MCAT: variants seen among roughly 807,000 people sequenced by gnomAD.
MCAT encodes malonyl-CoA-acyl carrier protein transacylase, also known as malonyl-CoA-acyl carrier protein transacylase, mitochondrial.
A neutral mutation model predicts 22.9 loss-of-function variants in MCAT; 22 were observed. The ratio of observed to expected loss-of-function variants is 0.96; its 90% CI spans 0.69 to 1.37. MCAT has a LOEUF of 1.37. Ranked by LOEUF, MCAT falls within the 40% of genes most tolerant of loss-of-function variation. The probability of loss-of-function intolerance (pLI) is 0.00; values close to 1 mark genes in which losing one functional copy is unlikely to be tolerated. For synonymous variants in MCAT, 240 were observed against 233.9 expected (o/e 1.03, Z -0.24); for missense variants, 534 against 533.6 (o/e 1.00, Z -0.01).
At chr22:43,142,541 C>T (rs1345809166) in intron 1 of MCAT, among the ~76,000 whole-genome samples, 1 of 151,908 alleles carries the variant, frequency 6.6e-6, no homozygotes, top group East Asian at 1.9e-4. Context: ...AATCCCAGCA[C>T]TTTGGGAGGC....
Position 43,143,015 on chromosome 22 carries a change from C to T in MCAT, c.334G>A (p.Glu112Lys), listed in dbSNP as rs1406575916. 1 of 1,609,402 alleles carries T rather than the reference C, an allele frequency of 6.2e-7. No homozygotes were observed. The highest frequency in any genetic ancestry group is 1.1e-5 in the South Asian group (1 of 90,442). ...LLELSLHGPQ[E>K]TLDRTVHCQP... Reference sequence around the variant, plus strand: ...CAGTGCACGGTGCGGTCCAGGGTCTCCTGCGGCCCGTGCAGGCTCAGTTCC... The same window carrying T: ...CAGTGCACGGTGCGGTCCAGGGTCTTCTGCGGCCCGTGCAGGCTCAGTTCC... The change falls in exon 1 of 4, where the codon GAG (glutamate) becomes AAG (lysine). Residue 112 changes from glutamate to lysine, a missense_variant. Coordinates refer to ENST00000290429, the MANE Select transcript of MCAT (RefSeq NM_173467.5).
rs373911602 is a variant in MCAT at position 43,137,080 on chromosome 22, C to A, written c.729+1G>T. The A allele has an allele frequency of 2.9e-5, 47 of 1,613,942 alleles. No homozygotes were observed. Among genetic ancestry groups the A allele is most frequent in the African/African-American group, 5.3e-5 (4 of 74,940 alleles). On this transcript the variant is annotated splice_donor_variant, in intron 3 of 3. Coordinates refer to ENST00000290429, the MANE Select transcript of MCAT (RefSeq NM_173467.5). LOFTEE classifies it high-confidence loss of function. ...TGAAGGCAGTTCCCATCAACACCCACCTCTTGGTGTCCTGAAATCACCCTG... is the reference window on the plus strand; with the variant it reads ...TGAAGGCAGTTCCCATCAACACCCAACTCTTGGTGTCCTGAAATCACCCTG...
chr22:43,137,002 G>C, intron 3 of MCAT, 79 bp downstream of exon 3: 1 of 1,253,062 alleles, frequency 8.0e-7, no homozygotes, highest in Non-Finnish European at 1.2e-6. Context: ...CCGCCAGACT[G>C]CTAGGCCTCA....
At chr22:43,138,760 T>C (rs1930690184) in intron 2 of MCAT, among the ~76,000 whole-genome samples, 1 of 151,850 alleles carries the variant, frequency 6.6e-6, no homozygotes, top group Admixed American at 6.6e-5. Context: ...AAGCCACACA[T>C]AAGAATGGCC....
chr22:43,139,033 G>T (rs1337605758), intron 2 of MCAT, among the ~76,000 whole-genome samples: 8 of 152,230 alleles, frequency 5.3e-5, no homozygotes, highest in Non-Finnish European at 1.2e-4. Flanking sequence ...GACTGCTTGA[G>T]ATCAGGAGTT....
chr22:43,132,648 AC>A lies in MCAT; in HGVS notation c.*394del. 5.7e-6 allele frequency: 1 copy of A among 175,936 alleles called. No homozygotes were observed. Among genetic ancestry groups the A allele is most frequent in the South Asian group, 1.5e-4 (1 of 6,708 alleles). 10.9% of individuals were successfully genotyped at this position (175,936 alleles called of 1,614,324 possible). A position where few individuals can be genotyped will look rare whatever the true frequency, so the allele number is the denominator to read the frequency against. ...GGGGTGGTGGAGGGGCTCCCCTGGC[AC>A]TGGCTGAAATTGAGGCCACACCAGC... On this transcript the variant is annotated 3_prime_UTR_variant, in exon 4 of 4. Coordinates refer to ENST00000290429, the MANE Select transcript of MCAT (RefSeq NM_173467.5).
intron 1 of MCAT, among the ~76,000 whole-genome samples, chr22:43,142,344 G>A (rs1395914677): frequency 2.0e-5 from 3 of 151,708 alleles, no homozygotes; most frequent in Non-Finnish European, 4.4e-5. Flanking sequence ...AAAATTAGCC[G>A]GGCGTGGTGG....
intron 2 of MCAT, 150 bp downstream of exon 2, chr22:43,141,012 C>A: frequency 1.6e-6 from 1 of 639,786 alleles, no homozygotes; most frequent in South Asian, 1.8e-5. Flanking sequence ...GGAATCACAG[C>A]AAAGCCCTGT....
intron 2 of MCAT, among the ~76,000 whole-genome samples, chr22:43,140,612 G>C (rs984870919): frequency 2.6e-5 from 4 of 152,144 alleles, no homozygotes; most frequent in African/African-American, 9.7e-5. Flanking sequence ...GCCTCCCAAA[G>C]TGCTGGCATT....
chr22:43,141,222 C>T lies in MCAT; in HGVS notation c.451G>A (p.Gly151Arg). Residue 151 changes from glycine (G) to arginine (R), a missense_variant, in exon 2 of 4, where the codon GGA (glycine) becomes AGA (arginine). Transcript: ENST00000290429. The stretch of plus-strand genomic sequence containing the variant: ...GCTGCAAACTCTCCCACACTGAATC[C>T]AGCAGCAGCAACACAGTTCTCAATC... ...SVIENCVAAA[G>R]FSVGEFAALV... 6.2e-7 allele frequency: 1 copy of T among 1,614,050 alleles called. No homozygotes were observed. Among genetic ancestry groups the T allele is most frequent in the Non-Finnish European group, 8.5e-7 (1 of 1,179,974 alleles).
intron 3 of MCAT, among the ~76,000 whole-genome samples, chr22:43,136,664 G>A (rs1400958146): frequency 6.6e-6 from 1 of 152,180 alleles, no homozygotes; most frequent in Non-Finnish European, 1.5e-5. Flanking sequence ...GAAATACGGT[G>A]GAAAGGAAAT....
chr22:43,136,117 G>A (rs1930602809), intron 3 of MCAT, among the ~76,000 whole-genome samples: 1 of 152,064 alleles, frequency 6.6e-6, no homozygotes, highest in Non-Finnish European at 1.5e-5. Context: ...GGTTGCCCGT[G>A]TCTGTAATCC....
intron 2 of MCAT, among the ~76,000 whole-genome samples, chr22:43,138,759 A>G (rs547457580): frequency 2.4e-4 from 37 of 152,286 alleles, no homozygotes; most frequent in Non-Finnish European, 4.1e-4. Context: ...AAAGCCACAC[A>G]TAAGAATGGC....
intron 2 of MCAT, among the ~76,000 whole-genome samples, chr22:43,137,836 C>G (rs1487059173): frequency 6.6e-6 from 1 of 152,078 alleles, no homozygotes; most frequent in Non-Finnish European, 1.5e-5. Context: ...TCACAACCTC[C>G]TTGAGGTTCA....
At chr22:43,139,998 G>A (rs1930724624) in intron 2 of MCAT, among the ~76,000 whole-genome samples, 1 of 152,100 alleles carries the variant, frequency 6.6e-6, no homozygotes, top group East Asian at 1.9e-4. Context: ...AAGCACTGCA[G>A]TGAAATTCAC....
chr22:43,136,288 G>A (rs1057062812), intron 3 of MCAT, among the ~76,000 whole-genome samples: 3 of 152,218 alleles, frequency 2.0e-5, no homozygotes, highest in Admixed American at 6.5e-5. Flanking sequence ...ATATAGCACA[G>A]GATGGGCTGT....
At chr22:43,142,796 CAA>C in intron 1 of MCAT, 128 bp downstream of exon 1, 3 of 900,904 alleles carry the variant, frequency 3.3e-6, no homozygotes, top group Admixed American at 4.0e-5. Flanking sequence ...CAAAAACAAA[CAA>C]AAAAAAAAAC....
intron 1 of MCAT, among the ~76,000 whole-genome samples, chr22:43,142,156 A>C (rs1930786969): frequency 6.6e-6 from 1 of 152,226 alleles, no homozygotes. Flanking sequence ...TGCTAGCTTA[A>C]CATTTACCGT....
At chr22:43,142,563 G>A (rs1308957107) in intron 1 of MCAT, among the ~76,000 whole-genome samples, 2 of 151,956 alleles carry the variant, frequency 1.3e-5, no homozygotes, top group African/African-American at 2.4e-5. Context: ...GAGGCGGGCA[G>A]ATCACGAGGT....
Sources: allele counts gnomAD v4.1 joint callset (sites outside exome capture counted in the v4.1 genomes callset), GRCh38; gene constraint gnomAD v4.1.1; transcripts MANE v1.5; gene names NCBI Gene and HGNC (gene_info 2026-07-23, HGNC 2026-07-21).